The following PHF24 variants were observed in gnomAD, a reference collection of about 807,000 sequenced individuals.
PHF24 encodes the protein PHD finger protein 24.
In PHF24, 25 loss-of-function variants were observed where a neutral mutation model predicts 42.6. The observed-to-expected ratio is 0.59, with a 90% confidence interval of 0.43 to 0.82. The LOEUF is 0.82. Ranked by LOEUF, PHF24 falls within the 40% of genes least tolerant of loss-of-function variation. PHF24 has a pLI of 0.00. For synonymous variants in PHF24, 185 were observed against 204.8 expected, an observed-to-expected ratio of 0.90 and a Z score of 0.83; for missense variants, 470 against 538.1, an observed-to-expected ratio of 0.87 and a Z score of 1.25.
the PHF24 span, among the ~76,000 whole-genome samples, chr9:34,820,190 AACTT>A: frequency 1.3e-5 from 2 of 150,776 alleles, no homozygotes; most frequent in African/African-American, 4.9e-5. Flanking sequence ...TAACATTTTA[AACTT>A]ACTTGTGTCT....
At chr9:34,752,847 T>C in the PHF24 span, among the ~76,000 whole-genome samples, 1 of 152,104 alleles carries the variant, frequency 6.6e-6, no homozygotes, top group Non-Finnish European at 1.5e-5. Context: ...CATGAACAAG[T>C]AGAATTTATC....
the PHF24 span, chr9:34,709,546 C>T: frequency 5.0e-6 from 8 of 1,614,008 alleles, no homozygotes; most frequent in African/African-American, 8.0e-5. Flanking sequence ...GTCTTGGAGG[C>T]CCCCCTGTCC....
At chr9:34,870,580 C>CTTTTT in the PHF24 span, among the ~76,000 whole-genome samples, 35,414 of 148,962 alleles carry the variant, frequency 0.24, 4,377 homozygotes, top group South Asian at 0.35. Context: ...TCTTCCATGT[C>CTTTTT]TTTTTTTTTG....
At chr9:34,846,333 A>G in the PHF24 span, among the ~76,000 whole-genome samples, 1 of 151,618 alleles carries the variant, frequency 6.6e-6, no homozygotes, top group Non-Finnish European at 1.5e-5. Context: ...TTTGATTTGC[A>G]TTTCTCTGAT....
the PHF24 span, among the ~76,000 whole-genome samples, chr9:34,887,180 C>A: frequency 6.6e-6 from 1 of 152,126 alleles, no homozygotes; most frequent in East Asian, 1.9e-4. Flanking sequence ...TCTCTACCTT[C>A]AAAGTGAACC....
the PHF24 span, among the ~76,000 whole-genome samples, chr9:34,737,140 C>T: frequency 6.6e-6 from 1 of 152,180 alleles, no homozygotes; most frequent in Non-Finnish European, 1.5e-5. Context: ...ACCACTAATT[C>T]TAGAACATTT....
the PHF24 span, among the ~76,000 whole-genome samples, chr9:34,920,001 C>T: frequency 6.6e-6 from 1 of 152,134 alleles, no homozygotes; most frequent in East Asian, 1.9e-4. Context: ...GTGAATAGTG[C>T]TGCAATAAAC....
chr9:34,922,928 A>C, the PHF24 span: 3 of 1,481,500 alleles, frequency 2.0e-6, no homozygotes, highest in South Asian at 3.6e-5. Context: ...CCATTACTGG[A>C]TGTTCCAGCA....
the PHF24 span, among the ~76,000 whole-genome samples, chr9:34,764,534 C>T: frequency 0.013 from 1,938 of 150,322 alleles, 49 homozygotes; most frequent in African/African-American, 0.044. Context: ...TCTGTGGGAT[C>T]GGTGGTGATA....
the PHF24 span, among the ~76,000 whole-genome samples, chr9:34,896,291 G>T: frequency 6.6e-6 from 1 of 152,202 alleles, no homozygotes; most frequent in East Asian, 1.9e-4. Context: ...ATGATATATG[G>T]TCAGTACTGA....
the PHF24 span, among the ~76,000 whole-genome samples, chr9:34,802,843 C>T: frequency 3.3e-5 from 5 of 152,140 alleles, no homozygotes; most frequent in Non-Finnish European, 7.4e-5. Context: ...TTACTGTCCT[C>T]GGGGTGTTTC....
the PHF24 span, among the ~76,000 whole-genome samples, chr9:34,754,230 A>T: frequency 1.3e-5 from 2 of 152,148 alleles, no homozygotes; most frequent in East Asian, 3.8e-4. Flanking sequence ...CCACAAATGG[A>T]AAAAATGTTT....
upstream of PHF24, among the ~76,000 whole-genome samples, chr9:34,956,237 C>T (rs1242126677): frequency 6.6e-6 from 1 of 152,164 alleles, no homozygotes; most frequent in African/African-American, 2.4e-5. Flanking sequence ...AGCACAATGC[C>T]TGGCATTGTA....
At chr9:34,876,461 A>C in the PHF24 span, among the ~76,000 whole-genome samples, 3 of 152,206 alleles carry the variant, frequency 2.0e-5, no homozygotes, top group African/African-American at 7.2e-5. Context: ...CTATGGAGAC[A>C]GTAAAAAGAT....
exon 6 of PHF24, chr9:34,977,106 A>G (rs757544635): frequency 1.2e-6 from 2 of 1,607,864 alleles, no homozygotes; most frequent in Non-Finnish European, 8.5e-7. Context: ...GGCTTCTGAC[A>G]GTGAAGGAGC....
chr9:34,790,448 A>C, the PHF24 span, among the ~76,000 whole-genome samples: 1 of 152,202 alleles, frequency 6.6e-6, no homozygotes, highest in Admixed American at 6.5e-5. Flanking sequence ...TTTAAAAAAA[A>C]TGACTCCATT....
the PHF24 span, among the ~76,000 whole-genome samples, chr9:34,945,084 A>T: frequency 6.6e-6 from 1 of 152,166 alleles, no homozygotes; most frequent in South Asian, 2.1e-4. Flanking sequence ...TCCAAATGAC[A>T]GAATCATTGT....
the PHF24 span, among the ~76,000 whole-genome samples, chr9:34,943,660 G>A: frequency 6.6e-6 from 1 of 152,120 alleles, no homozygotes; most frequent in African/African-American, 2.4e-5. Flanking sequence ...AAAACTAGGG[G>A]ATTCATCACA....
At chr9:34,916,040 G>GTGAAGAGGTGCCTTCTGCCA in the PHF24 span, among the ~76,000 whole-genome samples, 10 of 152,158 alleles carry the variant, frequency 6.6e-5, no homozygotes, top group East Asian at 7.7e-4. Flanking sequence ...CTGCTTCCCT[G>GTGAAGAGGTGCCTTCTGCCA]TGAAGAGGTG....
Sources: gnomAD v4.1 joint callset for allele counts (sites outside exome capture counted in the v4.1 genomes callset) on GRCh38, gnomAD v4.1.1 for gene constraint, MANE v1.5 for transcripts, NCBI Gene and HGNC (gene_info 2026-07-23, HGNC 2026-07-21) for gene names.